PKD1L1: variants seen among roughly 807,000 people sequenced by gnomAD.
PKD1L1 encodes the protein polycystin 1 like 1, transient receptor potential channel interacting, also known as polycystin-1-like protein 1.
In PKD1L1, 236 loss-of-function variants were observed where a neutral mutation model predicts 323.4. The ratio of observed to expected loss-of-function variants is 0.73; its 90% CI spans 0.66 to 0.81. PKD1L1 has a LOEUF of 0.81. Ranked by LOEUF, PKD1L1 falls within the 40% of genes least tolerant of loss-of-function variation. The pLI is 0.00. For missense variants in PKD1L1, 3,320 were observed against 3,508.0 expected, an observed-to-expected ratio of 0.95 and a Z score of 1.35; for synonymous variants, 1,344 against 1,335.0, an observed-to-expected ratio of 1.01 and a Z score of -0.15.
chr7:47,867,360 T>A (rs913495448), intron 24 of PKD1L1, among the ~76,000 whole-genome samples: 1 of 152,126 alleles, frequency 6.6e-6, no homozygotes, highest in African/African-American at 2.4e-5. Context: ...AGCAGAAACA[T>A]CACTGGCTGC....
In PKD1L1 at chr7:47,866,544, T is replaced by G. The variant is rs779418982; in HGVS notation, c.3967A>C (p.Ile1323Leu). Residue 1323 changes from isoleucine (I) to leucine (L), a missense_variant, in exon 25 of 57, where the codon ATC becomes CTC. By Grantham distance (5) the Ile-to-Leu change is conservative. Transcript: ENST00000289672. ...CTCAGGATTCTGGTGATCACAGTGA[T>G]GTAGTTCCTGATTTCTGTGTAACTC... ...MGSYTEIRNY[I>L]TVITRILSRL... 6 of 1,613,708 alleles carry G rather than the reference T, an allele frequency of 3.7e-6. No homozygotes were observed. Among genetic ancestry groups the G allele is most frequent in the South Asian group, 1.1e-5 (1 of 90,972 alleles).
intron 39 of PKD1L1, among the ~76,000 whole-genome samples, chr7:47,834,740 T>C (rs192353819): frequency 1.4e-4 from 22 of 152,294 alleles, no homozygotes; most frequent in Admixed American, 1.1e-3. Flanking sequence ...AGTATTTAGA[T>C]GTCCCTCAGA....
In PKD1L1 at chr7:47,943,496, G is replaced by A. The variant is rs1788039695; in HGVS notation, c.60C>T (p.Ala20=). 6.2e-7 allele frequency: 1 copy of A among 1,612,784 alleles called. No homozygotes were observed. ...GCTCACCACCAAAGGAAAGGCAGCA[G>A]GCAGCCTGGAGACACCTAAGGGAAA... ...SDDQERCLQA[A]CCLSFGGELS... is the part of the protein sequence containing the mutation. The change falls in exon 2 of 57, where the codon GCC becomes GCT. Residue 20 remains alanine (A), a synonymous_variant. Transcript: ENST00000289672.
At chr7:47,857,080 T>C (rs1364291799) in intron 28 of PKD1L1, among the ~76,000 whole-genome samples, 1 of 152,254 alleles carries the variant, frequency 6.6e-6, no homozygotes, top group Non-Finnish European at 1.5e-5. Context: ...CCCCTGTTCC[T>C]CCTGACCTCT....
At chr7:47,806,076 G>C (rs1364472998) in intron 52 of PKD1L1, among the ~76,000 whole-genome samples, 1 of 152,174 alleles carries the variant, frequency 6.6e-6, no homozygotes, top group Non-Finnish European at 1.5e-5. Context: ...TAGGACATCA[G>C]TGGGGAAAAG....
At position 47,792,792 on chromosome 7, in the gene PKD1L1, G is replaced by T. The variant is rs1403370332; in HGVS notation, c.8361C>A (p.Tyr2787Ter). The change falls in exon 56 of 57, where the codon TAC becomes TAA. Residue 2787 changes from tyrosine to a stop codon, truncating the protein, a stop_gained. Transcript: ENST00000289672. LOFTEE classifies it high-confidence loss of function. The part of the protein sequence containing the change: ...EEAEMVENHN[Y>*]YLDEFANLLD... Reference sequence around the variant, plus strand: ...ACAGATTTGCAAATTCATCCAAGTAGTAATTCTGAAGGGAAGAAAATTAGA... The same window carrying T: ...ACAGATTTGCAAATTCATCCAAGTATTAATTCTGAAGGGAAGAAAATTAGA... 1 of 1,612,602 alleles carries T rather than the reference G, an allele frequency of 6.2e-7. No individual in the cohort carries two copies. Among genetic ancestry groups the T allele is most frequent in the Non-Finnish European group, 8.5e-7 (1 of 1,178,852 alleles).
In PKD1L1 at chr7:47,911,498, T is replaced by A. The variant is rs531765062; in HGVS notation, c.1229-3248A>T. On this transcript the variant is annotated intron_variant, in intron 8 of 56. Transcript: ENST00000289672. The stretch of plus-strand genomic sequence containing the variant: ...TAAAACAACAAAAGAAACCAATGAA[T>A]ATGTATCAAAGTTGCAGATGCTTAA... 4.6e-5 allele frequency among the ~76,000 whole-genome samples: 7 copies of A among 152,298 alleles called. No individual in the cohort carries two copies. The East Asian group carries it at 1.4e-3, about 29-fold the overall frequency.
chr7:47,930,579 G>T (rs1787749032), intron 6 of PKD1L1, among the ~76,000 whole-genome samples: 2 of 151,266 alleles, frequency 1.3e-5, no homozygotes, highest in Non-Finnish European at 2.9e-5. Context: ...CACTTTGGGA[G>T]GCCGAGGCGG....
Position 47,857,673 on chromosome 7 carries a change from G to C in PKD1L1, c.4522C>G (p.Pro1508Ala). Residue 1508 changes from proline (P) to alanine (A), a missense_variant, in exon 28 of 57, where the codon CCA becomes GCA. Coordinates refer to ENST00000289672, the MANE Select transcript of PKD1L1 (RefSeq NM_138295.5). The stretch of plus-strand genomic sequence containing the variant: ...AGTATGAGCTGGCTAATGTAGCATG[G>C]GCTCTGTGTCTCCGCCCCAGCAGGA... ...HSPAGAETQS[P>A]CYISQLILFK... 4 of 1,614,142 alleles carry C rather than the reference G, an allele frequency of 2.5e-6. No individual in the cohort carries two copies. Among genetic ancestry groups the C allele is most frequent in the Non-Finnish European group, 3.4e-6 (4 of 1,180,044 alleles).
At chr7:47,856,817 A>C (rs1329951069) in intron 28 of PKD1L1, among the ~76,000 whole-genome samples, 2 of 152,194 alleles carry the variant, frequency 1.3e-5, no homozygotes, top group African/African-American at 2.4e-5. Flanking sequence ...TTTTTTGACC[A>C]AAATAAGATG....
intron 3 of PKD1L1, 73 bp downstream of exon 3, chr7:47,940,120 G>C: frequency 6.5e-7 from 1 of 1,550,138 alleles, no homozygotes; most frequent in Non-Finnish European, 8.8e-7. Flanking sequence ...GAAACATGGA[G>C]GTGCTTTTTA....
At chr7:47,904,727 G>A (rs1787166464) in intron 11 of PKD1L1, 110 bp from the exon 12 acceptor site, 9 of 1,189,630 alleles carry the variant, frequency 7.6e-6, no homozygotes, top group Non-Finnish European at 1.0e-5. Flanking sequence ...GGAGGGGGAG[G>A]CAGCATTTAA....
chr7:47,957,190 T>C, the PKD1L1 span: 204 of 182,918 alleles, frequency 1.1e-3, 1 homozygote, highest in South Asian at 0.011. Flanking sequence ...ATGCTGCAAA[T>C]TGCCACGCAG....
Position 47,774,930 on chromosome 7 carries a change from C to A in PKD1L1, c.*213G>T. 1.7e-6 allele frequency: 1 copy of A among 583,660 alleles called. No homozygotes were observed. The highest frequency in any genetic ancestry group is 3.1e-6 in the Non-Finnish European group (1 of 324,916). 36.2% of individuals were successfully genotyped at this position (583,660 alleles called of 1,614,324 possible). Reference sequence around the variant, plus strand: ...AATCTTGTCCCACATCTGAACTCTCCGAATGGTGATTATGAGTAACAGTCT... The same window carrying A: ...AATCTTGTCCCACATCTGAACTCTCAGAATGGTGATTATGAGTAACAGTCT... On this transcript the variant is annotated 3_prime_UTR_variant, in exon 57 of 57. Transcript: ENST00000289672.
chr7:47,781,238 G>T (rs1295180032), intron 56 of PKD1L1, among the ~76,000 whole-genome samples: 8 of 152,004 alleles, frequency 5.3e-5, no homozygotes, highest in Non-Finnish European at 1.2e-4. Context: ...TTTCTAATTA[G>T]ATTATTTACA....
chr7:47,915,558 T>G lies in PKD1L1; in HGVS notation c.1102A>C (p.Thr368Pro). 1 of 1,559,526 alleles carries G rather than the reference T, an allele frequency of 6.4e-7. No individual in the cohort carries two copies. Among genetic ancestry groups the G allele is most frequent in the South Asian group, 1.1e-5 (1 of 88,446 alleles). The change falls in exon 8 of 57, where the codon ACC becomes CCC. Residue 368 changes from threonine (T) to proline (P), a missense_variant. Transcript: ENST00000289672. ...TTTTGTGTCTCTGCTTCTTTGTAGG[T>G]GGACATATCCAACTGAAAATGTAAA... is the stretch of plus-strand genomic sequence containing the variant. ...HLLHFQLDMSTYKEAETQNTT... is the reference protein window; with the variant it reads ...HLLHFQLDMSPYKEAETQNTT...
chr7:47,941,624 C>T (rs917053236), intron 2 of PKD1L1, among the ~76,000 whole-genome samples: 1 of 152,184 alleles, frequency 6.6e-6, no homozygotes, highest in Admixed American at 6.5e-5. Context: ...CCATCGAGTG[C>T]CATTGAGCAC....
the PKD1L1 span, among the ~76,000 whole-genome samples, chr7:47,959,756 GC>G: frequency 6.9e-6 from 1 of 145,158 alleles, no homozygotes; most frequent in Non-Finnish European, 1.5e-5. Context: ...GGAGGGGTCA[GC>G]CCCCCGCCCG....
intron 5 of PKD1L1, among the ~76,000 whole-genome samples, chr7:47,931,676 G>A (rs942820948): frequency 3.3e-5 from 5 of 152,260 alleles, no homozygotes; most frequent in Non-Finnish European, 7.3e-5. Context: ...AACTCTATAA[G>A]GTTGTCAGCT....
Sources: allele counts gnomAD v4.1 joint callset (sites outside exome capture counted in the v4.1 genomes callset), GRCh38; gene constraint gnomAD v4.1.1; transcripts MANE v1.5; gene names NCBI Gene and HGNC (gene_info 2026-07-23, HGNC 2026-07-21).